The following ADK variants were observed in gnomAD, a reference collection of about 807,000 sequenced individuals.
ADK encodes the protein adenosine kinase.
Under a neutral mutation model 44.7 loss-of-function variants are expected in ADK, and 24 were observed. The observed-to-expected ratio is 0.54, with a 90% CI of 0.39 to 0.76. The LOEUF is 0.76. ADK is among the 30% of genes least tolerant of loss of function. ADK has a pLI of 0.00. For synonymous variants in ADK, 128 were observed against 142.6 expected (o/e 0.90, Z 0.73); for missense variants, 321 against 425.1 (o/e 0.76, Z 2.15).
At chr10:74,296,054 C>T (rs1268405793) in intron 3 of ADK, among the ~76,000 whole-genome samples, 1 of 137,010 alleles carries the variant, frequency 7.3e-6, no homozygotes, top group African/African-American at 2.7e-5. Flanking sequence ...TCTATTTCCA[C>T]GTATTTAGCT....
intron 7 of ADK, among the ~76,000 whole-genome samples, chr10:74,532,779 T>C (rs562085788): frequency 5.3e-5 from 8 of 151,906 alleles, no homozygotes; most frequent in African/African-American, 1.7e-4. Flanking sequence ...CACACGCCTG[T>C]AATTCCAGCT....
chr10:74,676,430 A>G (rs1474284079), intron 10 of ADK, among the ~76,000 whole-genome samples: 1 of 151,944 alleles, frequency 6.6e-6, no homozygotes, highest in Admixed American at 6.6e-5. Flanking sequence ...GCACCTGGCC[A>G]GAATATTTTA....
intron 2 of ADK, among the ~76,000 whole-genome samples, chr10:74,213,335 A>T (rs1195123717): frequency 1.3e-5 from 2 of 152,120 alleles, no homozygotes; most frequent in Non-Finnish European, 2.9e-5. Flanking sequence ...TGGTCTTGGA[A>T]TCCTCTGACC....
At chr10:74,156,381 G>A (rs1427839461) in intron 1 of ADK, among the ~76,000 whole-genome samples, 1 of 152,158 alleles carries the variant, frequency 6.6e-6, no homozygotes, top group East Asian at 1.9e-4. Context: ...CACTTTGGGA[G>A]GCCAAGGTGG....
At chr10:74,181,443 T>G (rs1299744392) in intron 1 of ADK, among the ~76,000 whole-genome samples, 1 of 152,188 alleles carries the variant, frequency 6.6e-6, no homozygotes, top group African/African-American at 2.4e-5. Context: ...TCCTTTGTTA[T>G]GTATATCAGA....
chr10:74,284,235 C>T lies in ADK; in HGVS notation c.195-30432C>T, dbSNP rs528588750. Reference sequence around the variant, plus strand: ...TTGGCCTCCCAAAGTGCTAGGATTACAGGCATGAGCCACCACGCCTGGCAA... The same window carrying T: ...TTGGCCTCCCAAAGTGCTAGGATTATAGGCATGAGCCACCACGCCTGGCAA... On this transcript the variant is annotated intron_variant, in intron 3 of 10. Transcript: ENST00000539909. 5.3e-5 allele frequency among the ~76,000 whole-genome samples: 8 copies of T among 151,542 alleles called. 2 individuals are homozygous for T. The highest frequency in any genetic ancestry group is 1.9e-4 in the African/African-American group (8 of 41,324).
At chr10:74,259,215 G>A (rs1292951935) in intron 3 of ADK, among the ~76,000 whole-genome samples, 4 of 151,802 alleles carry the variant, frequency 2.6e-5, no homozygotes, top group African/African-American at 9.7e-5. Context: ...AAAGTGTTGG[G>A]ATTACAGGTG....
At chr10:74,417,978 A>T (rs572232789) in intron 6 of ADK, among the ~76,000 whole-genome samples, 1 of 152,142 alleles carries the variant, frequency 6.6e-6, no homozygotes, top group South Asian at 2.1e-4. Context: ...CTGTTATCTC[A>T]TAGCATATTT....
At chr10:74,584,891 C>T (rs1851480461) in intron 7 of ADK, among the ~76,000 whole-genome samples, 1 of 152,154 alleles carries the variant, frequency 6.6e-6, no homozygotes, top group South Asian at 2.1e-4. Context: ...ATTGGAATTG[C>T]AGTGAGTATG....
intron 1 of ADK, among the ~76,000 whole-genome samples, chr10:74,168,892 T>G (rs997536985): frequency 6.6e-6 from 1 of 152,098 alleles, no homozygotes; most frequent in Admixed American, 6.5e-5. Flanking sequence ...ATTACAGACG[T>G]GAGCCACCGT....
At chr10:74,160,688 GGGGTGTGTGT>G (rs1841867070) in intron 1 of ADK, among the ~76,000 whole-genome samples, 2 of 139,174 alleles carry the variant, frequency 1.4e-5, no homozygotes, top group Admixed American at 1.4e-4. Context: ...CATGCAGGTA[GGGGTGTGTGT>G]GTGTGTGTGT....
intron 2 of ADK, among the ~76,000 whole-genome samples, chr10:74,206,231 A>G (rs1394375268): frequency 6.6e-6 from 1 of 152,246 alleles, no homozygotes; most frequent in Non-Finnish European, 1.5e-5. Context: ...TTTATATGGG[A>G]AGCAAGAATT....
intron 4 of ADK, among the ~76,000 whole-genome samples, chr10:74,343,809 A>C (rs1484099552): frequency 6.6e-6 from 1 of 152,104 alleles, no homozygotes; most frequent in Non-Finnish European, 1.5e-5. Context: ...GGGTTTCACC[A>C]TGTTGGCCAG....
rs115447208 is a variant in ADK, at chr10:74,658,366, A to G, written c.878-11817A>G. ...CTGAGTGAATCAGGGTTAGGAACATAACCAAAGGTAGACAGTCCATAGATG... is the reference window on the plus strand; with the variant it reads ...CTGAGTGAATCAGGGTTAGGAACATGACCAAAGGTAGACAGTCCATAGATG... On this transcript the variant is annotated intron_variant, in intron 9 of 10. Transcript: ENST00000539909. Among the ~76,000 whole-genome samples, 1,069 of 152,290 alleles carry G rather than the reference A, an allele frequency of 7.0e-3. 7 individuals are homozygous for G. The highest frequency in any genetic ancestry group is 0.025 in the African/African-American group (1,034 of 41,564).
chr10:74,622,643 G>A (rs1001314503), intron 9 of ADK, among the ~76,000 whole-genome samples: 2 of 152,078 alleles, frequency 1.3e-5, no homozygotes, highest in Non-Finnish European at 2.9e-5. Flanking sequence ...TCTTCATACC[G>A]CACTTTGGGA....
At chr10:74,491,893 A>G (rs904193981) in intron 6 of ADK, among the ~76,000 whole-genome samples, 3 of 152,184 alleles carry the variant, frequency 2.0e-5, no homozygotes, top group African/African-American at 7.2e-5. Flanking sequence ...TATGAATCTC[A>G]GTTCTACTAC....
intron 10 of ADK, among the ~76,000 whole-genome samples, chr10:74,694,709 T>C (rs536191277): frequency 5.3e-5 from 8 of 152,316 alleles, no homozygotes; most frequent in Admixed American, 4.6e-4. Flanking sequence ...CTCAAACTCC[T>C]GGGCTCAAGC....
intron 3 of ADK, among the ~76,000 whole-genome samples, chr10:74,272,435 C>T (rs1290198521): frequency 9.2e-5 from 14 of 151,878 alleles, no homozygotes; most frequent in Admixed American, 2.0e-4. Flanking sequence ...ACTACCATGC[C>T]GGGTTAACTT....
At chr10:74,317,248 C>T (rs1840654554) in intron 4 of ADK, among the ~76,000 whole-genome samples, 1 of 152,158 alleles carries the variant, frequency 6.6e-6, no homozygotes, top group Non-Finnish European at 1.5e-5. Context: ...GTCTGAACTT[C>T]TTCCTAATGA....
Sources: gnomAD v4.1 joint callset for allele counts (sites outside exome capture counted in the v4.1 genomes callset) on GRCh38, gnomAD v4.1.1 for gene constraint, MANE v1.5 for transcripts, NCBI Gene and HGNC (gene_info 2026-07-23, HGNC 2026-07-21) for gene names.